Variants in PDIA5 observed in about 807,000 individuals in gnomAD.
The protein encoded by PDIA5 is protein disulfide isomerase family A member 5.
In PDIA5, 58 loss-of-function variants were observed where a neutral mutation model predicts 77.6. The ratio of observed to expected loss-of-function variants is 0.75; its 90% CI spans 0.61 to 0.93. The LOEUF (loss-of-function observed/expected upper bound fraction) is 0.93. PDIA5 is among the 40% of genes least tolerant of loss of function. The probability of loss-of-function intolerance (pLI) is 0.00; values close to 1 mark genes in which losing one functional copy is unlikely to be tolerated. For synonymous variants in PDIA5, 250 were observed against 252.1 expected (o/e 0.99, Z 0.08); for missense variants, 630 against 647.7 (o/e 0.97, Z 0.30).
chr3:123,151,985 C>G (rs1455762575), intron 14 of PDIA5, among the ~76,000 whole-genome samples: 1 of 143,792 alleles, frequency 7.0e-6, no homozygotes, highest in Admixed American at 6.8e-5. Context: ...GCCTTCCTTC[C>G]TGCCTTCCTG....
intron 1 of PDIA5, among the ~76,000 whole-genome samples, chr3:123,088,016 A>G (rs558353602): frequency 1.3e-5 from 2 of 152,282 alleles, no homozygotes; most frequent in South Asian, 4.2e-4. Context: ...GCTTGGAGGA[A>G]TGAGTGATCT....
rs375235312 is a variant in PDIA5, at chr3:123,103,055, C to T, written c.387+259C>T. ...TGTCCAGTAAGGCAGGTGATGTCAC[C>T]TCTCTCTTTGCCAAAGGCCTGGGCC... On this transcript the variant is annotated intron_variant, in intron 5 of 16. Coordinates refer to ENST00000316218, the MANE Select transcript of PDIA5 (RefSeq NM_006810.4). Among the ~76,000 whole-genome samples the T allele has an allele frequency of 3.9e-5, 6 of 152,328 alleles. No homozygotes were observed. In the East Asian group the frequency reaches 7.7e-4, roughly 20 times the overall value.
At chr3:123,147,801 A>G (rs1331854514) in intron 13 of PDIA5, among the ~76,000 whole-genome samples, 1 of 152,162 alleles carries the variant, frequency 6.6e-6, no homozygotes, top group Admixed American at 6.5e-5. Context: ...GTTCACACCC[A>G]CTTTTCCAGC....
intron 1 of PDIA5, among the ~76,000 whole-genome samples, chr3:123,072,852 G>GCGGGGT: frequency 6.6e-6 from 1 of 152,020 alleles, no homozygotes; most frequent in Non-Finnish European, 1.5e-5. Flanking sequence ...ATAAGGAGAG[G>GCGGGGT]CGGAGGTTCT....
At chr3:123,070,423 A>G (rs9820521) in intron 1 of PDIA5, among the ~76,000 whole-genome samples, 18,882 of 152,252 alleles carry the variant, frequency 0.12, 1,342 homozygotes, top group Non-Finnish European at 0.17. Flanking sequence ...ATGAATATGT[A>G]TTAGTTTATA....
At chr3:123,151,930 T>C (rs1157877163) in intron 14 of PDIA5, among the ~76,000 whole-genome samples, 5 of 146,174 alleles carry the variant, frequency 3.4e-5, no homozygotes, top group African/African-American at 1.3e-4. Flanking sequence ...CCTTCCTTCC[T>C]GCCTTCCTTC....
At chr3:123,093,855 A>G (rs543409005) in intron 3 of PDIA5, among the ~76,000 whole-genome samples, 4 of 152,338 alleles carry the variant, frequency 2.6e-5, no homozygotes, top group South Asian at 4.1e-4. Flanking sequence ...TCGGAGCACA[A>G]TACCACGCGC....
intron 3 of PDIA5, among the ~76,000 whole-genome samples, chr3:123,101,959 G>T (rs1345760922): frequency 1.7e-5 from 2 of 118,886 alleles, no homozygotes; most frequent in Non-Finnish European, 3.3e-5. Flanking sequence ...GCTCAGGCTG[G>T]AGTGCAGTGG....
intron 3 of PDIA5, among the ~76,000 whole-genome samples, chr3:123,095,196 T>C (rs1447473681): frequency 1.3e-5 from 2 of 152,210 alleles, no homozygotes; most frequent in African/African-American, 2.4e-5. Flanking sequence ...TCCAGGTCTG[T>C]GATAAGGATC....
intron 16 of PDIA5, 52 bp downstream of exon 16, chr3:123,161,507 G>C (rs1230333449): frequency 1.3e-6 from 2 of 1,582,158 alleles, no homozygotes; most frequent in African/African-American, 1.3e-5. Flanking sequence ...TGATGGGCAG[G>C]GAAACTTCCA....
chr3:123,127,834 G>A (rs555305911), intron 10 of PDIA5, among the ~76,000 whole-genome samples: 20 of 152,280 alleles, frequency 1.3e-4, no homozygotes, highest in South Asian at 4.2e-4. Flanking sequence ...CCTGAATGAG[G>A]GGAATGAGCC....
chr3:123,127,680 A>C (rs1427767187), intron 10 of PDIA5, among the ~76,000 whole-genome samples: 2 of 152,142 alleles, frequency 1.3e-5, no homozygotes, highest in East Asian at 1.9e-4. Flanking sequence ...TCCACTTGTT[A>C]GTGTTGGTTC....
chr3:123,075,276 T>G (rs1359328428), intron 1 of PDIA5, among the ~76,000 whole-genome samples: 1 of 152,200 alleles, frequency 6.6e-6, no homozygotes, highest in Admixed American at 6.5e-5. Flanking sequence ...AAGAGAGGTC[T>G]GATCTGGAGA....
chr3:123,111,416 C>A (rs1934862306), intron 7 of PDIA5, among the ~76,000 whole-genome samples: 1 of 152,268 alleles, frequency 6.6e-6, no homozygotes, highest in Non-Finnish European at 1.5e-5. Flanking sequence ...GCTTGCCTAG[C>A]TCTGGCTCCC....
chr3:123,142,466 T>A (rs917269071), intron 11 of PDIA5, among the ~76,000 whole-genome samples: 1 of 152,244 alleles, frequency 6.6e-6, no homozygotes, highest in Non-Finnish European at 1.5e-5. Context: ...AAAGTGATAT[T>A]CTTGTCATTC....
intron 13 of PDIA5, among the ~76,000 whole-genome samples, chr3:123,146,925 T>C (rs887055343): frequency 6.6e-6 from 1 of 152,224 alleles, no homozygotes; most frequent in African/African-American, 2.4e-5. Context: ...TTCTCCTGCC[T>C]CAGCCTCCCA....
intron 1 of PDIA5, 75 bp downstream of exon 1, chr3:123,067,281 G>T: frequency 2.6e-6 from 3 of 1,166,450 alleles, no homozygotes; most frequent in Non-Finnish European, 2.2e-6. Flanking sequence ...CTCTGCTCCA[G>T]CCCTCTGCGG....
At chr3:123,151,630 C>T (rs375384823) in intron 14 of PDIA5, among the ~76,000 whole-genome samples, 4 of 152,252 alleles carry the variant, frequency 2.6e-5, no homozygotes, top group African/African-American at 7.2e-5. Flanking sequence ...AAGCCCCCCG[C>T]CACCCTGACC....
Position 123,110,941 on chromosome 3 carries a change from C to T in PDIA5, c.481-3C>T. The T allele has an allele frequency of 6.2e-7, 1 of 1,613,346 alleles. No homozygotes were observed. Among genetic ancestry groups the T allele is most frequent in the Non-Finnish European group, 8.5e-7 (1 of 1,179,330 alleles). On this transcript the variant is annotated splice_polypyrimidine_tract_variant and splice_region_variant and intron_variant, in intron 6 of 16. Coordinates refer to ENST00000316218, the MANE Select transcript of PDIA5 (RefSeq NM_006810.4). ...CTGCTGGTATTCTCTTTTTGTGCCTCAGGACTTCAGACGGCTCCTGAAGAA... is the reference window on the plus strand; with the variant it reads ...CTGCTGGTATTCTCTTTTTGTGCCTTAGGACTTCAGACGGCTCCTGAAGAA...
Sources: gnomAD v4.1 joint callset for allele counts (sites outside exome capture counted in the v4.1 genomes callset) on GRCh38, gnomAD v4.1.1 for gene constraint, MANE v1.5 for transcripts, NCBI Gene and HGNC (gene_info 2026-07-23, HGNC 2026-07-21) for gene names.